The following ACAD10 variants were observed in gnomAD, a reference collection of about 807,000 sequenced individuals.
The protein encoded by ACAD10 is acyl-CoA dehydrogenase family member 10, also known as ACAD-10.
Under a neutral mutation model 116.8 loss-of-function variants are expected in ACAD10, and 112 were observed. The observed-to-expected ratio is 0.96, with a 90% CI of 0.82 to 1.12. The LOEUF is 1.12. Among genes scored for constraint, ACAD10 ranks in the 50% most tolerant of loss-of-function variants. The probability of loss-of-function intolerance (pLI) is 0.00; values close to 1 mark genes in which losing one functional copy is unlikely to be tolerated. For missense variants in ACAD10, 1,259 were observed against 1,350.2 expected, an observed-to-expected ratio of 0.93 and a Z score of 1.06; for synonymous variants, 486 against 510.6, an observed-to-expected ratio of 0.95 and a Z score of 0.65.
At chr12:111,738,994 G>A (rs1889653944) in intron 12 of ACAD10, among the ~76,000 whole-genome samples, 4 of 150,194 alleles carry the variant, frequency 2.7e-5, no homozygotes, top group African/African-American at 9.7e-5. Flanking sequence ...ATTGGAAAAT[G>A]GGGTGGGGGG....
chr12:111,746,435 T>C (rs1889901873), intron 14 of ACAD10, 151 bp downstream of exon 14: 1 of 896,754 alleles, frequency 1.1e-6, no homozygotes, highest in East Asian at 3.1e-5. Flanking sequence ...TCACCCAGGC[T>C]GGAGTGTAGT....
chr12:111,723,186 T>G (rs1230374982), intron 8 of ACAD10, among the ~76,000 whole-genome samples: 5 of 62,188 alleles, frequency 8.0e-5, no homozygotes, highest in African/African-American at 1.3e-4. Context: ...GCTGGCCGGG[T>G]GGGGGGCTGA....
intron 2 of ACAD10, among the ~76,000 whole-genome samples, chr12:111,695,204 T>A (rs1275086794): frequency 6.6e-6 from 1 of 152,210 alleles, no homozygotes; most frequent in South Asian, 2.1e-4. Context: ...TCCCCAGGCA[T>A]GCCAGGCACA....
At chr12:111,706,360 C>T (rs1216344002) in intron 4 of ACAD10, among the ~76,000 whole-genome samples, 2 of 152,226 alleles carry the variant, frequency 1.3e-5, no homozygotes, top group Admixed American at 1.3e-4. Context: ...CTAAATCCAT[C>T]TGCTCCATGT....
At chr12:111,734,627 A>G (rs1480950503) in intron 11 of ACAD10, among the ~76,000 whole-genome samples, 1 of 152,202 alleles carries the variant, frequency 6.6e-6, no homozygotes, top group Non-Finnish European at 1.5e-5. Context: ...CCATCTCAAA[A>G]AAAACAAAAA....
At chr12:111,706,090 C>T (rs1409061453) in intron 4 of ACAD10, among the ~76,000 whole-genome samples, 158 bp downstream of exon 4, 1 of 152,124 alleles carries the variant, frequency 6.6e-6, no homozygotes, top group Non-Finnish European at 1.5e-5. Context: ...GAAAACAGAC[C>T]CTTTAAGATA....
Position 111,730,033 on chromosome 12 carries a change from G to C in ACAD10, c.1394+77G>C. 2.0e-6 allele frequency: 3 copies of C among 1,519,290 alleles called. No individual in the cohort carries two copies. In the South Asian group the frequency reaches 3.7e-5, roughly 19 times the overall value. 94.1% of individuals were successfully genotyped at this position (1,519,290 alleles called of 1,614,324 possible). ...GGGGAATTGAGCAATTGGTCTTGGT[G>C]CAATTTACAGCTGGGAATTATTCCT... On this transcript the variant is annotated intron_variant, in intron 10 of 20. Transcript: ENST00000313698.
At position 111,734,082 on chromosome 12, in the gene ACAD10, C is replaced by G; in HGVS notation, c.1540+14C>G. On this transcript the variant is annotated intron_variant, in intron 11 of 20. Transcript: ENST00000313698. Reference sequence around the variant, plus strand: ...CCGTGCTGAGAGGTAGGAACTGCTGCTGGAGGATAGTGGGGGAGCAAGCCA... The same window carrying G: ...CCGTGCTGAGAGGTAGGAACTGCTGGTGGAGGATAGTGGGGGAGCAAGCCA... The G allele has an allele frequency of 6.2e-7, 1 of 1,614,104 alleles. No homozygotes were observed. The highest frequency in any genetic ancestry group is 8.5e-7 in the Non-Finnish European group (1 of 1,180,010).
chr12:111,748,461 T>C lies in ACAD10; in HGVS notation c.2630T>C (p.Leu877Pro). Residue 877 changes from leucine to proline, a missense_variant, in exon 17 of 21, where the codon CTG becomes CCG. Leu to Pro is a moderately conservative substitution (Grantham distance 98). Coordinates refer to ENST00000313698, the MANE Select transcript of ACAD10 (RefSeq NM_025247.6). The stretch of plus-strand genomic sequence containing the variant: ...ATCCGGCCTCTGACGGTGTATGGAC[T>C]GGAAGATGCACCAGGTGAGACCTCC... ...KIIRPLTVYGLEDAPGGHGEV... is the reference protein window; with the variant it reads ...KIIRPLTVYGPEDAPGGHGEV... 1 of 1,613,472 alleles carries C rather than the reference T, an allele frequency of 6.2e-7. No homozygotes were observed. The highest frequency in any genetic ancestry group is 8.5e-7 in the Non-Finnish European group (1 of 1,180,018).
chr12:111,702,296 C>T lies in ACAD10; in HGVS notation c.322C>T (p.Leu108Phe). Residue 108 changes from leucine (L) to phenylalanine (F), a missense_variant, in exon 3 of 21, where the codon CTT becomes TTT. Physicochemically the swap from Leu to Phe is conservative, Grantham distance 22. Coordinates refer to ENST00000313698, the MANE Select transcript of ACAD10 (RefSeq NM_025247.6). ...GGGTTTTTTACGAGAATTTGGGAGACTTTGCTCTGAAATGGTGAGTGGTAA... is the reference window on the plus strand; with the variant it reads ...GGGTTTTTTACGAGAATTTGGGAGATTTTGCTCTGAAATGGTGAGTGGTAA... ...AEGFLREFGR[L>F]CSEMLKTSVP... 6.2e-7 allele frequency: 1 copy of T among 1,614,036 alleles called. No individual in the cohort carries two copies. The highest frequency in any genetic ancestry group is 8.5e-7 in the Non-Finnish European group (1 of 1,180,016).
chr12:111,721,691 A>G lies in ACAD10; in HGVS notation c.1013A>G (p.Asn338Ser), dbSNP rs746554363. ...TGCAGGATTATGAAAGCCCTTGCAA[A>G]TGCTGGAGTACCTGTCCCTAACGTT... is the stretch of plus-strand genomic sequence containing the variant. ...REFRIMKALA[N>S]AGVPVPNVLD... Residue 338 changes from asparagine (N) to serine (S), a missense_variant, in exon 8 of 21, where the codon AAT becomes AGT. By Grantham distance (46) the Asn-to-Ser change is conservative (BLOSUM62 1). Transcript: ENST00000313698. The G allele has an allele frequency of 3.1e-6, 5 of 1,604,722 alleles. No homozygotes were observed. The highest frequency in any genetic ancestry group is 1.7e-4 in the Middle Eastern group (1 of 6,042).
intron 6 of ACAD10, 136 bp from the exon 7 acceptor site, chr12:111,715,685 G>C: frequency 8.5e-7 from 1 of 1,180,482 alleles, no homozygotes; most frequent in Non-Finnish European, 1.2e-6. Context: ...AGGCAGAGAA[G>C]AGGTACTTTT....
intron 16 of ACAD10, chr12:111,747,624 T>A: frequency 7.5e-7 from 1 of 1,337,806 alleles, no homozygotes; most frequent in Non-Finnish European, 9.6e-7. Flanking sequence ...CATGGACGGA[T>A]GCCTCCCTGC....
At chr12:111,711,184 A>C (rs1289294336) in intron 5 of ACAD10, among the ~76,000 whole-genome samples, 1 of 152,184 alleles carries the variant, frequency 6.6e-6, no homozygotes, top group Non-Finnish European at 1.5e-5. Flanking sequence ...ATTTATTTAA[A>C]GACCTGTGCT....
At chr12:111,716,184 G>A (rs115366001) in intron 7 of ACAD10, among the ~76,000 whole-genome samples, 13 of 152,174 alleles carry the variant, frequency 8.5e-5, no homozygotes, top group African/African-American at 3.1e-4. Flanking sequence ...AGGCAATGCA[G>A]CAAGACCCTG....
chr12:111,695,790 G>C (rs1411229943), intron 2 of ACAD10, among the ~76,000 whole-genome samples: 2 of 152,026 alleles, frequency 1.3e-5, no homozygotes, highest in African/African-American at 2.4e-5. Context: ...GAGATGGGCG[G>C]ATCACTTGAG....
chr12:111,712,753 A>C, intron 6 of ACAD10, 96 bp downstream of exon 6: 1 of 1,380,386 alleles, frequency 7.2e-7, no homozygotes, highest in Non-Finnish European at 1.0e-6. Flanking sequence ...GGCTGGAGAC[A>C]AAGAAGCTTT....
chr12:111,755,708 C>T lies in ACAD10; in HGVS notation c.3002C>T (p.Pro1001Leu), dbSNP rs764914739. 1.3e-5 allele frequency: 21 copies of T among 1,613,726 alleles called. No homozygotes were observed. The highest frequency in any genetic ancestry group is 1.2e-4 in the Admixed American group (7 of 59,936). ...ATAGCCATGATTAAAATGGTCGCCC[C>T]GTCCATGGCCTCCCGAGTGATTGAT... Reference protein sequence around the residue: ...LDIAMIKMVAPSMASRVIDRA... With the variant: ...LDIAMIKMVALSMASRVIDRA... The change falls in exon 20 of 21, where the codon CCG becomes CTG. Residue 1001 changes from proline (P) to leucine (L), a missense_variant. By Grantham distance (98) the Pro-to-Leu change is moderately conservative. Transcript: ENST00000313698.
rs772424211 is a variant in ACAD10 at position 111,744,638 on chromosome 12, C to T, written c.1715-5C>T. Reference sequence around the variant, plus strand: ...TAATCACTGTTTTTCTTTGATTCTGCTTAGGGCAAGCAAGCTCCACATATG... The same window carrying T: ...TAATCACTGTTTTTCTTTGATTCTGTTTAGGGCAAGCAAGCTCCACATATG... On this transcript the variant is annotated splice_polypyrimidine_tract_variant and splice_region_variant and intron_variant, in intron 12 of 20. Coordinates refer to ENST00000313698, the MANE Select transcript of ACAD10 (RefSeq NM_025247.6). The T allele has an allele frequency of 6.2e-6, 10 of 1,609,044 alleles. No individual in the cohort carries two copies. The highest frequency in any genetic ancestry group is 3.3e-5 in the Admixed American group (2 of 59,720).
Sources: gnomAD v4.1 joint callset for allele counts (sites outside exome capture counted in the v4.1 genomes callset) on GRCh38, gnomAD v4.1.1 for gene constraint, MANE v1.5 for transcripts, NCBI Gene and HGNC (gene_info 2026-07-23, HGNC 2026-07-21) for gene names.